Variants in MYPN observed in about 807,000 individuals in gnomAD.
The protein encoded by MYPN is myopalladin.
MYPN carries 63 observed loss-of-function variants against 129.4 expected under a neutral mutation model. The ratio of observed to expected loss-of-function variants is 0.49; its 90% CI spans 0.40 to 0.60. MYPN has a LOEUF of 0.60. Among genes scored for constraint, MYPN ranks in the 20% least tolerant of loss-of-function variants. The pLI is 0.00. For synonymous variants in MYPN, 629 were observed against 600.9 expected (o/e 1.05, Z -0.68); for missense variants, 1,596 against 1,635.4 (o/e 0.98, Z 0.42).
intron 1 of MYPN, among the ~76,000 whole-genome samples, chr10:68,090,623 T>G (rs1234742442): frequency 6.6e-6 from 1 of 152,208 alleles, no homozygotes; most frequent in African/African-American, 2.4e-5. Context: ...AATTATAATC[T>G]TAGATAACCT....
rs577089308 is a variant in MYPN at position 68,174,143 on chromosome 10, C to G, written c.2051C>G (p.Ser684Cys). 12 of 1,614,024 alleles carry G rather than the reference C, an allele frequency of 7.4e-6. No homozygotes were observed. In the East Asian group the frequency reaches 2.7e-4, roughly 36 times the overall value. Residue 684 changes from serine (S) to cysteine (C), a missense_variant, in exon 11 of 20, where the codon TCT becomes TGT. Coordinates refer to ENST00000358913, the MANE Select transcript of MYPN (RefSeq NM_032578.4). ...QHQLQNPPPSSPKEFPFSMTV... is the reference protein window; with the variant it reads ...QHQLQNPPPSCPKEFPFSMTV... ...CAATTGCAAAACCCACCTCCTTCAT[C>G]TCCTAAGGAGTTTCCTTTCAGCATG...
chr10:68,135,522 C>T (rs538191984), intron 2 of MYPN: 242 of 982,828 alleles, frequency 2.5e-4, no homozygotes, highest in African/African-American at 2.1e-3. Flanking sequence ...TGTGAGTAAG[C>T]AAATGTACTA....
At chr10:68,147,022 A>G (rs1213240086) in intron 4 of MYPN, among the ~76,000 whole-genome samples, 1 of 152,212 alleles carries the variant, frequency 6.6e-6, no homozygotes, top group East Asian at 1.9e-4. Flanking sequence ...ATTGAGTGTC[A>G]CTTTCCCCCT....
intron 9 of MYPN, 91 bp from the exon 10 acceptor site, chr10:68,166,203 T>C (rs1468946740): frequency 1.2e-5 from 18 of 1,462,686 alleles, no homozygotes; most frequent in Non-Finnish European, 1.7e-5. Flanking sequence ...ATTCATACAT[T>C]CCTCTGGTGT....
chr10:68,093,919 C>T (rs373421638), intron 1 of MYPN, among the ~76,000 whole-genome samples: 1 of 152,012 alleles, frequency 6.6e-6, no homozygotes, highest in South Asian at 2.1e-4. Context: ...TTTCCCAGAA[C>T]TGAGGGCCCC....
chr10:68,179,294 A>G (rs2043277630), intron 12 of MYPN, among the ~76,000 whole-genome samples: 1 of 152,144 alleles, frequency 6.6e-6, no homozygotes, highest in Non-Finnish European at 1.5e-5. Flanking sequence ...CACTTTGGGC[A>G]TTTCAGGACC....
intron 2 of MYPN, among the ~76,000 whole-genome samples, chr10:68,123,982 C>G (rs1255168278): frequency 1.3e-5 from 2 of 152,206 alleles, no homozygotes; most frequent in Non-Finnish European, 2.9e-5. Flanking sequence ...GTATTATACA[C>G]TTTCCATGTC....
chr10:68,205,015 G>A (rs770588394), intron 18 of MYPN, among the ~76,000 whole-genome samples: 5 of 152,054 alleles, frequency 3.3e-5, no homozygotes, highest in Admixed American at 2.0e-4. Context: ...GTTTCCACTC[G>A]ACCTTTGAGA....
chr10:68,126,343 G>A (rs1311293151), intron 2 of MYPN, among the ~76,000 whole-genome samples: 3 of 152,124 alleles, frequency 2.0e-5, no homozygotes, highest in South Asian at 4.1e-4. Context: ...AGATGACTTC[G>A]AAGAACCTTG....
rs142874859 is a variant in MYPN at position 68,195,505 on chromosome 10, G to A, written c.3131G>A (p.Arg1044Gln). The change falls in exon 15 of 20, where the codon CGG becomes CAG. Residue 1044 changes from arginine (R) to glutamine (Q), a missense_variant. Physicochemically the swap from Arg to Gln is conservative, Grantham distance 43 (BLOSUM62 1). Coordinates refer to ENST00000358913, the MANE Select transcript of MYPN (RefSeq NM_032578.4). ...GTACAAAGTTTGCCCATTCGCAGTC[G>A]GCTAACCTCTGCTGGTCAGTCTCAC... ...LMVQSLPIRS[R>Q]LTSAGQSHRG... 18 of 1,613,964 alleles carry A rather than the reference G, an allele frequency of 1.1e-5. No individual in the cohort carries two copies. Among genetic ancestry groups the A allele is most frequent in the Middle Eastern group, 1.7e-4 (1 of 6,060 alleles).
At chr10:68,186,157 A>T (rs1485479309) in intron 12 of MYPN, among the ~76,000 whole-genome samples, 1 of 152,238 alleles carries the variant, frequency 6.6e-6, no homozygotes, top group Admixed American at 6.5e-5. Context: ...GAATGATCTC[A>T]TTAAAAATTA....
At chr10:68,151,361 C>G (rs2134102837) in intron 6 of MYPN, among the ~76,000 whole-genome samples, 1 of 152,240 alleles carries the variant, frequency 6.6e-6, no homozygotes, top group Admixed American at 6.5e-5. Flanking sequence ...AACAAGATGC[C>G]TCTCAATTTT....
chr10:68,101,454 T>C (rs1410202999), upstream of MYPN, among the ~76,000 whole-genome samples: 1 of 152,250 alleles, frequency 6.6e-6, no homozygotes, highest in Admixed American at 6.5e-5. Flanking sequence ...GATGAAAATT[T>C]GCTCTAGCTG....
chr10:68,162,382 T>C (rs2042991959), intron 8 of MYPN, among the ~76,000 whole-genome samples: 1 of 152,226 alleles, frequency 6.6e-6, no homozygotes, highest in Admixed American at 6.5e-5. Context: ...ATTTTTATAA[T>C]GCTAGGTCAA....
intron 1 of MYPN, among the ~76,000 whole-genome samples, chr10:68,088,530 C>T (rs2041916811): frequency 1.3e-5 from 2 of 152,100 alleles, no homozygotes; most frequent in Non-Finnish European, 1.5e-5. Context: ...TGAATAACTC[C>T]CAGTCAGGGT....
At chr10:68,091,445 A>C (rs925410505) in intron 1 of MYPN, among the ~76,000 whole-genome samples, 1 of 109,642 alleles carries the variant, frequency 9.1e-6, no homozygotes, top group Non-Finnish European at 1.7e-5. Flanking sequence ...CCCAGGCTGG[A>C]GTGTGTTGGT....
chr10:68,139,373 C>T (rs1326623336), intron 2 of MYPN, among the ~76,000 whole-genome samples: 1 of 152,220 alleles, frequency 6.6e-6, no homozygotes, highest in African/African-American at 2.4e-5. Flanking sequence ...CTCAAATCTC[C>T]TGGCTCCTCA....
In MYPN at chr10:68,162,132, C is replaced by T. The variant is rs12258118; in HGVS notation, c.1483+380C>T. ...GCAGTGAGCCGAGATCGTGACACTA[C>T]AGTCCAGCTGCGCGACAGAACAAGA... On this transcript the variant is annotated intron_variant, in intron 8 of 19. Coordinates refer to ENST00000358913, the MANE Select transcript of MYPN (RefSeq NM_032578.4). The T allele has an allele frequency of 4.4e-3, 591 of 134,726 alleles. 6 individuals are homozygous for T. Among genetic ancestry groups the T allele is most frequent in the African/African-American group, 0.017 (564 of 34,060 alleles). The allele number at this position is 134,726 out of a possible 1,614,324, so 8.3% of individuals were successfully genotyped here.
chr10:68,174,882 C>T (rs1043846841), intron 11 of MYPN, among the ~76,000 whole-genome samples: 3 of 152,084 alleles, frequency 2.0e-5, no homozygotes, highest in African/African-American at 7.2e-5. Context: ...TGCCTGTAAT[C>T]CCAGCACTTT....
Sources: gnomAD v4.1 joint callset for allele counts (sites outside exome capture counted in the v4.1 genomes callset) on GRCh38, gnomAD v4.1.1 for gene constraint, MANE v1.5 for transcripts, NCBI Gene and HGNC (gene_info 2026-07-23, HGNC 2026-07-21) for gene names.